DCAF1: variants seen among roughly 807,000 people sequenced by gnomAD.
DCAF1 encodes the protein DDB1 and CUL4 associated factor 1, also known as DDB1- and CUL4-associated factor 1.
A neutral mutation model predicts 128.0 loss-of-function variants in DCAF1; 15 were observed. The ratio of observed to expected loss-of-function variants is 0.12; its 90% CI spans 0.08 to 0.18. DCAF1 has a LOEUF of 0.18. DCAF1 is among the 10% of genes least tolerant of loss of function. DCAF1 has a pLI of 1.00. For missense variants in DCAF1, 988 were observed against 1,649.5 expected, an observed-to-expected ratio of 0.60 and a Z score of 6.95; for synonymous variants, 610 against 603.0, an observed-to-expected ratio of 1.01 and a Z score of -0.17.
At chr3:51,477,523 G>A (rs1196266706) in intron 3 of DCAF1, among the ~76,000 whole-genome samples, 1 of 151,648 alleles carries the variant, frequency 6.6e-6, no homozygotes, top group Non-Finnish European at 1.5e-5. Context: ...GCCACTCAGA[G>A]GGCTGAGGTG....
At position 51,420,465 on chromosome 3, in the gene DCAF1, T is replaced by G. The variant is rs550794351; in HGVS notation, c.2505A>C (p.Ala835=). ...TDVSLARLQK[A]DVVAQSRISF... ...AGATCCTTGACTGGGCAACAACATCTGCTTTCTGCAGTCGTGCTAGGGAAA... is the reference window on the plus strand; with the variant it reads ...AGATCCTTGACTGGGCAACAACATCGGCTTTCTGCAGTCGTGCTAGGGAAA... Residue 835 remains alanine, a synonymous_variant, in exon 15 of 25, where the codon GCA becomes GCC. Transcript: ENST00000684031. This position sits in a 1 kb window ranked among gnomAD's most constrained non-coding sequence, Gnocchi z 6.5. The G allele has an allele frequency of 6.1e-5, 98 of 1,614,072 alleles. No individual in the cohort carries two copies. The highest frequency in any genetic ancestry group is 6.6e-5 in the Non-Finnish European group (78 of 1,179,902).
chr3:51,448,986 TCA>T (rs1702121263), intron 6 of DCAF1, among the ~76,000 whole-genome samples: 1 of 151,948 alleles, frequency 6.6e-6, no homozygotes, highest in Admixed American at 6.6e-5. Context: ...GATTGAAATC[TCA>T]CAATCTTTTC....
chr3:51,497,886 T>C (rs1577347590), intron 1 of DCAF1, among the ~76,000 whole-genome samples: 1 of 151,036 alleles, frequency 6.6e-6, no homozygotes, highest in Admixed American at 6.6e-5. Context: ...CTGTGTCTAC[T>C]AAAAATACAA....
At chr3:51,476,936 A>G (rs1443604703) in intron 3 of DCAF1, among the ~76,000 whole-genome samples, 2 of 151,708 alleles carry the variant, frequency 1.3e-5, no homozygotes, top group Non-Finnish European at 2.9e-5. Flanking sequence ...AACACAAAAA[A>G]TTAGCCGGGC....
chr3:51,449,575 C>G (rs1553641021), intron 6 of DCAF1, among the ~76,000 whole-genome samples: 1 of 152,050 alleles, frequency 6.6e-6, no homozygotes, highest in Non-Finnish European at 1.5e-5. Context: ...AAATTAGGAA[C>G]TAGGCCTAAC....
chr3:51,457,626 T>C (rs1388246730), intron 6 of DCAF1, among the ~76,000 whole-genome samples: 1 of 151,892 alleles, frequency 6.6e-6, no homozygotes, highest in South Asian at 2.1e-4. Context: ...TTCACCAAAG[T>C]TGAAATGAAG....
At chr3:51,480,666 G>C (rs1415946743) in intron 3 of DCAF1, among the ~76,000 whole-genome samples, 1 of 151,228 alleles carries the variant, frequency 6.6e-6, no homozygotes, top group African/African-American at 2.4e-5. Flanking sequence ...AGAAAAAAGA[G>C]GCCATCCTCC....
At position 51,418,640 on chromosome 3, in the gene DCAF1, G is replaced by C. The variant is rs111916442; in HGVS notation, c.3435+38C>G. 4,378 of 1,572,860 alleles carry C rather than the reference G, an allele frequency of 2.8e-3. 90 individuals carry two copies. In the African/African-American group the frequency reaches 0.038, roughly 14 times the overall value. On this transcript the variant is annotated intron_variant, in intron 16 of 24. Coordinates refer to ENST00000684031, the MANE Select transcript of DCAF1 (RefSeq NM_001387579.1). The stretch of plus-strand genomic sequence containing the variant: ...TACTCTAGTTCACCAATTCATCTTG[G>C]AAGAATGACTGAGAGCATCCTAGGA...
At chr3:51,455,657 G>C (rs1702816973) in intron 6 of DCAF1, among the ~76,000 whole-genome samples, 1 of 152,060 alleles carries the variant, frequency 6.6e-6, no homozygotes, top group East Asian at 1.9e-4. Context: ...CCAGCACTTT[G>C]GGAGGCTGAG....
Position 51,398,786 on chromosome 3 carries a change from AGAT to A in DCAF1, c.4504_4506del (p.Ile1502del), listed in dbSNP as rs1367637123. On this transcript the variant is annotated inframe_deletion, in exon 25 of 25. Transcript: ENST00000684031. ...ATGGCTCCTCACTCATTCAGAGATA[AGAT>A]GATGTCATCTTCCAAATCAGAGTTG... is the stretch of plus-strand genomic sequence containing the variant. 1 of 1,591,234 alleles carries A rather than the reference AGAT, an allele frequency of 6.3e-7. No homozygotes were observed. Among genetic ancestry groups the A allele is most frequent in the Non-Finnish European group, 8.6e-7 (1 of 1,168,278 alleles).
rs532963947 is a variant in DCAF1 at position 51,424,415 on chromosome 3, GA to G, written c.1848-1985del. Among the ~76,000 whole-genome samples the G allele has an allele frequency of 4.2e-4, 60 of 144,544 alleles. 1 individual carries two copies. The highest frequency in any genetic ancestry group is 1.5e-3 in the African/African-American group (58 of 39,532). 94.8% of individuals were successfully genotyped at this position (144,544 alleles called of 152,430 possible). A position where few individuals can be genotyped will look rare whatever the true frequency, so the allele number is the denominator to read the frequency against. On this transcript the variant is annotated intron_variant, in intron 13 of 24. Transcript: ENST00000684031. ...AAGACTCTGCCTCAAAAAAAAAAAA[GA>G]AAAAAAAAAGTAGAGAAATGAAAGC...
chr3:51,408,294 T>G (rs1486676776), intron 23 of DCAF1, among the ~76,000 whole-genome samples: 1 of 152,236 alleles, frequency 6.6e-6, no homozygotes, highest in Non-Finnish European at 1.5e-5. Flanking sequence ...CTGGACCATT[T>G]TATTAGATGA....
At chr3:51,431,549 G>A (rs1360585626) in intron 10 of DCAF1, among the ~76,000 whole-genome samples, 1 of 150,080 alleles carries the variant, frequency 6.7e-6, no homozygotes, top group Non-Finnish European at 1.5e-5. Flanking sequence ...GATTATATAT[G>A]AAAGAGTCTT....
chr3:51,416,360 T>C (rs1489567221), intron 18 of DCAF1, among the ~76,000 whole-genome samples: 1 of 152,076 alleles, frequency 6.6e-6, no homozygotes, highest in East Asian at 1.9e-4. Flanking sequence ...CATTACCCCA[T>C]CAGTGATGCT....
At chr3:51,425,437 A>C (rs1365401514) in intron 13 of DCAF1, among the ~76,000 whole-genome samples, 2 of 151,916 alleles carry the variant, frequency 1.3e-5, no homozygotes, top group African/African-American at 4.8e-5. Context: ...CTGCCACTGC[A>C]CTCCAGCCTG....
rs1450952694 is a variant in DCAF1, at chr3:51,471,133, G to C, written c.111-128C>G. ...TTAGAAAAAGACTATTTCTTCTGAT[G>C]TACATAGAAATCTACACAATTATCT... On this transcript the variant is annotated intron_variant, in intron 3 of 24. Coordinates refer to ENST00000684031, the MANE Select transcript of DCAF1 (RefSeq NM_001387579.1). 5 of 500,612 alleles carry C rather than the reference G, an allele frequency of 1.0e-5. No homozygotes were observed. In the Admixed American group the frequency reaches 1.6e-4, roughly 16 times the overall value. 31.0% of individuals were successfully genotyped at this position (500,612 alleles called of 1,614,324 possible).
chr3:51,415,001 A>T (rs1422112516), intron 18 of DCAF1, 144 bp from the exon 19 acceptor site: 1 of 1,326,980 alleles, frequency 7.5e-7, no homozygotes, highest in African/African-American at 1.5e-5. Flanking sequence ...ACTGCCTCCC[A>T]AAGTGCTGGG....
chr3:51,444,016 G>C, intron 6 of DCAF1, 113 bp from the exon 7 acceptor site: 2 of 1,037,984 alleles, frequency 1.9e-6, no homozygotes, highest in Non-Finnish European at 2.7e-6. Flanking sequence ...ATGTTCGTAA[G>C]AGTAAAAAAA....
chr3:51,414,894 C>T (rs1553629802), intron 18 of DCAF1, 37 bp from the exon 19 acceptor site: 1 of 1,590,886 alleles, frequency 6.3e-7, no homozygotes, highest in East Asian at 2.3e-5. Flanking sequence ...AAAAATCAGA[C>T]CAATCCATCC....
Sources: allele counts gnomAD v4.1 joint callset (sites outside exome capture counted in the v4.1 genomes callset), GRCh38; gene constraint gnomAD v4.1.1; non-coding constraint Gnocchi (gnomAD v3.1); transcripts MANE v1.5; gene names NCBI Gene and HGNC (gene_info 2026-07-23, HGNC 2026-07-21).